The following SLC14A2 variants were observed in gnomAD, a reference collection of about 807,000 sequenced individuals.
SLC14A2 encodes urea transporter 2.
In SLC14A2, 91 loss-of-function variants were observed where a neutral mutation model predicts 104.6. That is an observed-to-expected ratio of 0.87 (90% confidence interval 0.73 to 1.04). The LOEUF (loss-of-function observed/expected upper bound fraction) is 1.04, where lower values mean the gene tolerates loss of function less well. SLC14A2 is among the 50% of genes least tolerant of loss of function. The pLI is 0.00. For synonymous variants in SLC14A2, 476 were observed against 466.4 expected (o/e 1.02, Z -0.27); for missense variants, 1,189 against 1,156.0 (o/e 1.03, Z -0.41).
At chr18:45,425,221 C>G (rs1246743381) in intron 1 of SLC14A2, among the ~76,000 whole-genome samples, 1 of 152,182 alleles carries the variant, frequency 6.6e-6, no homozygotes, top group African/African-American at 2.4e-5. Flanking sequence ...AATGCTGACC[C>G]TCCATAGCCC....
At chr18:45,258,955 G>A (rs2084507576) in intron 1 of SLC14A2, among the ~76,000 whole-genome samples, 1 of 152,190 alleles carries the variant, frequency 6.6e-6, no homozygotes, top group African/African-American at 2.4e-5. Flanking sequence ...TCAGAGAAGT[G>A]CAGCGTCTCA....
chr18:45,177,085 A>G, the SLC14A2 span, among the ~76,000 whole-genome samples: 1 of 152,168 alleles, frequency 6.6e-6, no homozygotes, highest in Non-Finnish European at 1.5e-5. Context: ...ACCAGGACCT[A>G]AGGGGCATGC....
chr18:45,434,872 C>T (rs1435320247), intron 1 of SLC14A2, among the ~76,000 whole-genome samples: 1 of 152,124 alleles, frequency 6.6e-6, no homozygotes, highest in Admixed American at 6.6e-5. Flanking sequence ...GGGTTTTAAA[C>T]TTTAAAATTG....
At chr18:45,566,344 T>G (rs11660858) in intron 2 of SLC14A2, among the ~76,000 whole-genome samples, 115,605 of 152,090 alleles carry the variant, frequency 0.76, 44,550 homozygotes, top group Middle Eastern at 0.87. Flanking sequence ...GTGTTCTCAT[T>G]AGGATATACT....
chr18:45,544,999 G>C (rs2043949002), intron 2 of SLC14A2, among the ~76,000 whole-genome samples: 2 of 151,930 alleles, frequency 1.3e-5, no homozygotes, highest in South Asian at 2.1e-4. Flanking sequence ...TCTCCATGTT[G>C]GTCAGGCTGG....
intron 7 of SLC14A2, 91 bp downstream of exon 7, chr18:45,639,984 T>G: frequency 2.4e-5 from 29 of 1,220,696 alleles, no homozygotes; most frequent in Non-Finnish European, 3.2e-5. Context: ...AGACATTCTC[T>G]TCCCTGCAGT....
chr18:45,248,647 C>A (rs577853588), intron 1 of SLC14A2, among the ~76,000 whole-genome samples: 1 of 152,336 alleles, frequency 6.6e-6, no homozygotes, highest in South Asian at 2.1e-4. Context: ...GGCTCTCCAA[C>A]CAATTGGCAT....
intron 1 of SLC14A2, among the ~76,000 whole-genome samples, chr18:45,469,445 G>T (rs978760678): frequency 4.6e-5 from 7 of 152,206 alleles, no homozygotes; most frequent in Admixed American, 4.6e-4. Flanking sequence ...GAGGAGCTCA[G>T]GGATACAGGG....
chr18:45,301,018 G>A (rs2084963300), intron 1 of SLC14A2, among the ~76,000 whole-genome samples: 1 of 152,160 alleles, frequency 6.6e-6, no homozygotes, highest in African/African-American at 2.4e-5. Flanking sequence ...GGAGGATTTG[G>A]GGCCGAAAAC....
intron 1 of SLC14A2, among the ~76,000 whole-genome samples, chr18:45,355,344 G>A (rs911626044): frequency 5.3e-5 from 8 of 152,042 alleles, no homozygotes; most frequent in African/African-American, 1.9e-4. Context: ...GGGAGGCCGA[G>A]GTGGGTGGAT....
intron 2 of SLC14A2, among the ~76,000 whole-genome samples, chr18:45,535,809 T>G (rs1283685363): frequency 6.6e-6 from 1 of 152,214 alleles, no homozygotes; most frequent in Non-Finnish European, 1.5e-5. Context: ...AGATCCCTAC[T>G]TACTAAACAG....
chr18:45,303,070 T>C (rs1424673190), intron 1 of SLC14A2, among the ~76,000 whole-genome samples: 1 of 152,122 alleles, frequency 6.6e-6, no homozygotes, highest in Non-Finnish European at 1.5e-5. Flanking sequence ...GAATTAAATT[T>C]AAAGGAGTTT....
intron 1 of SLC14A2, among the ~76,000 whole-genome samples, chr18:45,390,862 G>A (rs575373698): frequency 2.0e-5 from 3 of 152,254 alleles, no homozygotes; most frequent in Non-Finnish European, 4.4e-5. Context: ...TTCTTTTTAA[G>A]TTGCTAGTAA....
intron 1 of SLC14A2, among the ~76,000 whole-genome samples, chr18:45,410,567 C>T (rs1347610734): frequency 6.6e-6 from 1 of 152,120 alleles, no homozygotes; most frequent in Non-Finnish European, 1.5e-5. Context: ...CTCACTACAG[C>T]CAGCTACAGC....
Position 45,503,494 on chromosome 18 carries a change from TTGTAACCCTCCTG to T in SLC14A2, c.-35+20174_-35+20186del, listed in dbSNP as rs575523368. 8.9e-4 allele frequency among the ~76,000 whole-genome samples: 136 copies of T among 152,320 alleles called. 1 individual carries two copies. The highest frequency in any genetic ancestry group is 3.1e-3 in the African/African-American group (129 of 41,564). On this transcript the variant is annotated intron_variant, in intron 2 of 20. Transcript: ENST00000586448. ...TCCTCCTTCCCTTTTCTGTTTGCCA[TTGTAACCCTCCTG>T]TCTTAATGCTTTTCTGCCTCTTCAG...
At chr18:45,372,033 C>T (rs2085728250) in intron 1 of SLC14A2, among the ~76,000 whole-genome samples, 1 of 152,130 alleles carries the variant, frequency 6.6e-6, no homozygotes, top group African/African-American at 2.4e-5. Context: ...TATATTAGGC[C>T]ACACACAGTG....
chr18:45,438,378 C>CAGCT (rs1398653735), intron 1 of SLC14A2: 1 of 152,134 alleles, frequency 6.6e-6, no homozygotes. Context: ...TTTTATTCCA[C>CAGCT]AGCTAGCAGA....
intron 2 of SLC14A2, among the ~76,000 whole-genome samples, chr18:45,565,696 G>A (rs2852306): frequency 0.79 from 119,782 of 152,176 alleles, 48,162 homozygotes; most frequent in Middle Eastern, 0.91. Flanking sequence ...CACACGCATC[G>A]GCTCCTACCC....
At chr18:45,389,358 A>C (rs539129576) in intron 1 of SLC14A2, among the ~76,000 whole-genome samples, 2 of 152,350 alleles carry the variant, frequency 1.3e-5, no homozygotes, top group South Asian at 4.1e-4. Context: ...TTTGGAGCCA[A>C]GTAACATAGC....
Sources: allele counts gnomAD v4.1 joint callset (sites outside exome capture counted in the v4.1 genomes callset), GRCh38; gene constraint gnomAD v4.1.1; transcripts MANE v1.5; gene names NCBI Gene and HGNC (gene_info 2026-07-23, HGNC 2026-07-21).